ZNF804B: variants seen among roughly 807,000 people sequenced by gnomAD.
The protein encoded by ZNF804B is zinc finger protein 804B.
Under a neutral mutation model 101.4 loss-of-function variants are expected in ZNF804B, and 80 were observed. The observed-to-expected ratio is 0.79, with a 90% confidence interval of 0.66 to 0.95. The LOEUF (loss-of-function observed/expected upper bound fraction) is 0.95. Ranked by LOEUF, ZNF804B falls within the 40% of genes least tolerant of loss-of-function variation. The pLI is 0.00. For missense variants in ZNF804B, 1,673 were observed against 1,561.9 expected (o/e 1.07, Z -1.20); for synonymous variants, 622 against 558.8 (o/e 1.11, Z -1.59).
chr7:88,925,834 G>C (rs1792789034), intron 1 of ZNF804B, among the ~76,000 whole-genome samples: 1 of 152,080 alleles, frequency 6.6e-6, no homozygotes, highest in African/African-American at 2.4e-5. Context: ...AGGAGAGCAT[G>C]GCAGAAGAGG....
Position 89,335,823 on chromosome 7 carries a change from T to C in ZNF804B, c.2841T>C (p.Ser947=). ...AACAATCAAGTAATGTTGAGATCTC[T>C]TCAAACAGTTGTAAAAGTGAATTAG... ...CQEQSSNVEI[S]SNSCKSELEA... is the part of the protein sequence containing the mutation. Residue 947 remains serine (S), a synonymous_variant, in exon 4 of 4, where the codon TCT becomes TCC. Coordinates refer to ENST00000333190, the MANE Select transcript of ZNF804B (RefSeq NM_181646.5). The C allele has an allele frequency of 6.2e-7, 1 of 1,614,050 alleles. No homozygotes were observed. Among genetic ancestry groups the C allele is most frequent in the Non-Finnish European group, 8.5e-7 (1 of 1,179,970 alleles).
intron 1 of ZNF804B, among the ~76,000 whole-genome samples, chr7:88,923,663 T>C (rs1792755124): frequency 6.6e-6 from 1 of 152,138 alleles, no homozygotes; most frequent in South Asian, 2.1e-4. Flanking sequence ...TAGTTAAAAG[T>C]AATAATGATT....
intron 2 of ZNF804B, among the ~76,000 whole-genome samples, chr7:89,307,698 G>A (rs1790586288): frequency 6.6e-6 from 1 of 151,916 alleles, no homozygotes; most frequent in African/African-American, 2.4e-5. Flanking sequence ...TACATTTCCA[G>A]TCACGTTATT....
chr7:88,942,505 T>A (rs1454972229), intron 1 of ZNF804B, among the ~76,000 whole-genome samples: 5 of 145,986 alleles, frequency 3.4e-5, no homozygotes, highest in Admixed American at 6.9e-5. Flanking sequence ...TGAGTGAGTG[T>A]GTGTGTGTGT....
At chr7:89,176,937 G>A (rs954978202) in intron 1 of ZNF804B, among the ~76,000 whole-genome samples, 3 of 151,980 alleles carry the variant, frequency 2.0e-5, no homozygotes, top group Admixed American at 2.0e-4. Flanking sequence ...GTTGCTCATA[G>A]TAGTCTGTAA....
chr7:88,799,448 A>G (rs946675919), intron 1 of ZNF804B, among the ~76,000 whole-genome samples: 1 of 152,028 alleles, frequency 6.6e-6, no homozygotes, highest in Admixed American at 6.6e-5. Flanking sequence ...GGTAAAGAGG[A>G]GGTAAATTAT....
chr7:88,980,075 T>A (rs1027158766), intron 1 of ZNF804B, among the ~76,000 whole-genome samples: 1 of 151,876 alleles, frequency 6.6e-6, no homozygotes, highest in African/African-American at 2.4e-5. Flanking sequence ...CTTTTTTTTT[T>A]ATTATTATAC....
At chr7:89,256,147 C>T (rs920140382) in intron 2 of ZNF804B, among the ~76,000 whole-genome samples, 3 of 152,012 alleles carry the variant, frequency 2.0e-5, no homozygotes, top group African/African-American at 7.3e-5. Context: ...TAATCATGTA[C>T]GTAGACTATA....
intron 1 of ZNF804B, among the ~76,000 whole-genome samples, chr7:89,197,572 T>C (rs1788574876): frequency 6.6e-6 from 1 of 151,902 alleles, no homozygotes; most frequent in African/African-American, 2.4e-5. Flanking sequence ...TATTATCTAC[T>C]TTTTTGTAAC....
chr7:88,867,549 T>A (rs1489672304), intron 1 of ZNF804B, among the ~76,000 whole-genome samples: 1 of 152,212 alleles, frequency 6.6e-6, no homozygotes, highest in Admixed American at 6.5e-5. Flanking sequence ...TTTTCCTCAC[T>A]AAGTGTACAG....
At chr7:88,943,635 A>G (rs1327710409) in intron 1 of ZNF804B, among the ~76,000 whole-genome samples, 1 of 151,860 alleles carries the variant, frequency 6.6e-6, no homozygotes, top group Admixed American at 6.6e-5. Context: ...TATAGAGTAC[A>G]TTTCAATGAG....
chr7:88,936,160 G>A (rs904506667), intron 1 of ZNF804B, among the ~76,000 whole-genome samples: 3 of 148,408 alleles, frequency 2.0e-5, no homozygotes, highest in Non-Finnish European at 4.4e-5. Context: ...TTGCTGAAAT[G>A]TCCTTGGAAA....
intron 1 of ZNF804B, among the ~76,000 whole-genome samples, chr7:89,127,594 G>C (rs1790492612): frequency 6.6e-6 from 1 of 151,672 alleles, no homozygotes; most frequent in Non-Finnish European, 1.5e-5. Context: ...CTCTAAGGAA[G>C]TAGTTAAGAA....
intron 1 of ZNF804B, among the ~76,000 whole-genome samples, chr7:89,015,310 T>C (rs1788529949): frequency 6.6e-6 from 1 of 151,464 alleles, no homozygotes; most frequent in Non-Finnish European, 1.5e-5. Context: ...CTTTTTTCTT[T>C]TTTTTTAATT....
chr7:89,333,951 A>G lies in ZNF804B; in HGVS notation c.969A>G (p.Ser323=). 6.2e-7 allele frequency: 1 copy of G among 1,613,560 alleles called. No homozygotes were observed. The change falls in exon 4 of 4, where the codon TCA becomes TCG. Residue 323 remains serine, a synonymous_variant. Coordinates refer to ENST00000333190, the MANE Select transcript of ZNF804B (RefSeq NM_181646.5). ...TLEDSIGIHA[S]FSKSNIHLSD... is the part of the protein sequence containing the mutation. The stretch of plus-strand genomic sequence containing the variant: ...AAGATTCAATTGGCATTCATGCTTC[A>G]TTCTCTAAATCTAACATTCATCTTT...
At position 88,778,081 on chromosome 7, in the gene ZNF804B, G is replaced by A. The variant is rs1790171998; in HGVS notation, c.108+17997G>A. 1.3e-5 allele frequency among the ~76,000 whole-genome samples: 2 copies of A among 152,000 alleles called. 1 individual carries two copies. The highest frequency in any genetic ancestry group is 4.1e-4 in the South Asian group (2 of 4,822). Reference sequence around the variant, plus strand: ...AGTTTATTATTTTGCCATTCTGTGGGTCAGTGTCACTAGGCTATAATCAAG... The same window carrying A: ...AGTTTATTATTTTGCCATTCTGTGGATCAGTGTCACTAGGCTATAATCAAG... On this transcript the variant is annotated intron_variant, in intron 1 of 3. Transcript: ENST00000333190.
At chr7:88,832,379 TCCCA>T (rs1791146444) in intron 1 of ZNF804B, among the ~76,000 whole-genome samples, 1 of 151,992 alleles carries the variant, frequency 6.6e-6, no homozygotes, top group South Asian at 2.1e-4. Flanking sequence ...CAGCACACCT[TCCCA>T]CCCAAGCTAA....
intron 1 of ZNF804B, among the ~76,000 whole-genome samples, chr7:88,997,631 C>T (rs1251516928): frequency 6.6e-6 from 1 of 151,998 alleles, no homozygotes; most frequent in Non-Finnish European, 1.5e-5. Flanking sequence ...TTTCTACTGG[C>T]AGGGGCAGCC....
At chr7:89,246,242 A>G (rs1789443892) in intron 2 of ZNF804B, among the ~76,000 whole-genome samples, 5 of 152,146 alleles carry the variant, frequency 3.3e-5, no homozygotes, top group Admixed American at 3.3e-4. Flanking sequence ...GATATATGAC[A>G]GCTGCAGTTT....
Sources: allele counts gnomAD v4.1 joint callset (sites outside exome capture counted in the v4.1 genomes callset), GRCh38; gene constraint gnomAD v4.1.1; transcripts MANE v1.5; gene names NCBI Gene and HGNC (gene_info 2026-07-23, HGNC 2026-07-21).